Variants in PLEKHO2 observed in about 807,000 individuals in gnomAD.
The protein encoded by PLEKHO2 is pleckstrin homology domain-containing family O member 2.
PLEKHO2 carries 20 observed loss-of-function variants against 32.7 expected under a neutral mutation model. The observed-to-expected ratio is 0.61, with a 90% CI of 0.43 to 0.89. PLEKHO2 has a LOEUF of 0.89. PLEKHO2 is among the 40% of genes least tolerant of loss of function. The pLI, the probability that PLEKHO2 is intolerant of heterozygous loss-of-function variation, is 0.00. For synonymous variants in PLEKHO2, 247 were observed against 246.3 expected, an observed-to-expected ratio of 1.00 and a Z score of -0.03; for missense variants, 568 against 621.2, an observed-to-expected ratio of 0.91 and a Z score of 0.91.
rs1388479607 is a variant in PLEKHO2, at chr15:64,865,571, C to T, written c.1156C>T (p.Pro386Ser). The T allele has an allele frequency of 1.2e-6, 2 of 1,614,106 alleles. No individual in the cohort carries two copies. The highest frequency in any genetic ancestry group is 2.2e-5 in the East Asian group (1 of 44,906). Residue 386 changes from proline to serine, a missense_variant, in exon 6 of 6, where the codon CCC (proline) becomes TCC (serine). Pro to Ser is a moderately conservative substitution (Grantham distance 74). Coordinates refer to ENST00000323544, the MANE Select transcript of PLEKHO2 (RefSeq NM_025201.5). ...PPWDLPPQFH[P>S]RCSSLGDLLG... Reference sequence around the variant, plus strand: ...CTGGGACCTGCCACCTCAGTTCCATCCCCGCTGCTCCTCCCTTGGGGACTT... The same window carrying T: ...CTGGGACCTGCCACCTCAGTTCCATTCCCGCTGCTCCTCCCTTGGGGACTT...
At chr15:64,845,479 C>T (rs2084515558) in intron 1 of PLEKHO2, among the ~76,000 whole-genome samples, 2 of 151,914 alleles carry the variant, frequency 1.3e-5, no homozygotes, top group South Asian at 4.2e-4. Flanking sequence ...GCCAGGCCCC[C>T]CTGGAGGGAG....
chr15:64,847,028 C>G (rs908747373), intron 1 of PLEKHO2, among the ~76,000 whole-genome samples: 1 of 152,228 alleles, frequency 6.6e-6, no homozygotes, highest in African/African-American at 2.4e-5. Context: ...CTGTTAGTAG[C>G]TGCATTTCAC....
chr15:64,848,536 G>C (rs554277581), intron 1 of PLEKHO2, 57 bp from the exon 2 acceptor site: 3 of 1,605,928 alleles, frequency 1.9e-6, no homozygotes, highest in South Asian at 1.1e-5. Flanking sequence ...CTATGAACCT[G>C]TGACCTGTGA....
At chr15:64,855,747 C>T (rs2084602447) in intron 3 of PLEKHO2, among the ~76,000 whole-genome samples, 1 of 152,204 alleles carries the variant, frequency 6.6e-6, no homozygotes, top group African/African-American at 2.4e-5. Flanking sequence ...GCATGCACAG[C>T]ACCTCTCGCC....
rs757658570 is a variant in PLEKHO2, at chr15:64,860,002, C to T, written c.384+4C>T. ...CAAAAACAAGGCTTTCGATGAGGTG[C>T]GATGCAGTCTGTGGACATGGACAGC... On this transcript the variant is annotated splice_donor_region_variant and intron_variant, in intron 4 of 5. Coordinates refer to ENST00000323544, the MANE Select transcript of PLEKHO2 (RefSeq NM_025201.5). 16 of 1,612,266 alleles carry T rather than the reference C, an allele frequency of 9.9e-6. No individual in the cohort carries two copies. Among genetic ancestry groups the T allele is most frequent in the Middle Eastern group, 1.6e-4 (1 of 6,068 alleles).
intron 2 of PLEKHO2, among the ~76,000 whole-genome samples, chr15:64,854,681 G>A (rs1282397450): frequency 2.0e-5 from 3 of 152,158 alleles, no homozygotes; most frequent in African/African-American, 4.8e-5. Context: ...GCACATACGC[G>A]CCTCTGGGCT....
At chr15:64,842,509 A>G (rs545257082) in intron 1 of PLEKHO2, among the ~76,000 whole-genome samples, 47 of 142,250 alleles carry the variant, frequency 3.3e-4, no homozygotes, top group Non-Finnish European at 4.9e-4. Context: ...GTGTGTGTGT[A>G]TGTGTGTGTT....
Position 64,866,271 on chromosome 15 carries a change from T to C in PLEKHO2, c.*383T>C, listed in dbSNP as rs2084686358. On this transcript the variant is annotated 3_prime_UTR_variant, in exon 6 of 6. Coordinates refer to ENST00000323544, the MANE Select transcript of PLEKHO2 (RefSeq NM_025201.5). ...ATCCCCAGTAGTTTACATTCCTGAC[T>C]TCTGAATACAGCACAGCTGAGCCCC... 6.5e-6 allele frequency: 3 copies of C among 460,898 alleles called. No homozygotes were observed. The highest frequency in any genetic ancestry group is 3.1e-5 in the South Asian group (2 of 63,766). The allele number at this position is 460,898 out of a possible 1,614,324, so 28.6% of individuals were successfully genotyped here.
chr15:64,859,932 G>A lies in PLEKHO2; in HGVS notation c.318G>A (p.Glu106=). ...DIKFQAPTGE[E]KESWIKALNE... is the part of the protein sequence containing the mutation. Reference sequence around the variant, plus strand: ...AATTCCAGGCACCCACCGGGGAGGAGAAGGAATCCTGGATCAAAGCCCTCA... The same window carrying A: ...AATTCCAGGCACCCACCGGGGAGGAAAAGGAATCCTGGATCAAAGCCCTCA... The change falls in exon 4 of 6, where the codon GAG becomes GAA. Residue 106 remains glutamate, a synonymous_variant. Coordinates refer to ENST00000323544, the MANE Select transcript of PLEKHO2 (RefSeq NM_025201.5). The A allele has an allele frequency of 1.9e-6, 3 of 1,614,228 alleles. No homozygotes were observed. The South Asian group carries it at 3.3e-5, about 18-fold the overall frequency.
At chr15:64,859,733 CTG>C (rs894583785) in intron 3 of PLEKHO2, among the ~76,000 whole-genome samples, 159 bp from the exon 4 acceptor site, 3 of 152,314 alleles carry the variant, frequency 2.0e-5, no homozygotes, top group African/African-American at 4.8e-5. Context: ...GAGGGCTTCT[CTG>C]TGAGATCTTT....
chr15:64,852,475 T>C (rs997227323), intron 2 of PLEKHO2, among the ~76,000 whole-genome samples: 4 of 152,216 alleles, frequency 2.6e-5, no homozygotes, highest in African/African-American at 9.7e-5. Context: ...ACATTAGATA[T>C]ACAGTCATCT....
chr15:64,858,069 C>T (rs1420113045), intron 3 of PLEKHO2, among the ~76,000 whole-genome samples: 1 of 152,220 alleles, frequency 6.6e-6, no homozygotes, highest in Non-Finnish European at 1.5e-5. Context: ...GGTCCCGTCA[C>T]AGAGTTGGGT....
intron 4 of PLEKHO2, among the ~76,000 whole-genome samples, 184 bp downstream of exon 4, chr15:64,860,182 T>A (rs2084632635): frequency 6.6e-6 from 1 of 152,226 alleles, no homozygotes. Flanking sequence ...CTGTCCTTGT[T>A]TTACAGATGA....
At chr15:64,842,216 C>A (rs2084489394) in intron 1 of PLEKHO2, among the ~76,000 whole-genome samples, 188 bp downstream of exon 1, 1 of 152,256 alleles carries the variant, frequency 6.6e-6, no homozygotes, top group South Asian at 2.1e-4. Context: ...ACCGCGTCCT[C>A]CTTCATTCTC....
chr15:64,864,495 T>G (rs1208062673), intron 5 of PLEKHO2, among the ~76,000 whole-genome samples: 2 of 151,844 alleles, frequency 1.3e-5, no homozygotes, highest in Non-Finnish European at 2.9e-5. Context: ...TGGTGATGGG[T>G]AGGTGGGTTG....
chr15:64,845,547 G>T (rs2084515970), intron 1 of PLEKHO2, among the ~76,000 whole-genome samples: 1 of 152,196 alleles, frequency 6.6e-6, no homozygotes, highest in African/African-American at 2.4e-5. Flanking sequence ...CTGGCCTCCA[G>T]CCAGTCCTCC....
chr15:64,846,540 C>T (rs1222530947), intron 1 of PLEKHO2, among the ~76,000 whole-genome samples: 2 of 152,158 alleles, frequency 1.3e-5, no homozygotes, highest in Non-Finnish European at 2.9e-5. Flanking sequence ...TCTCAAACTC[C>T]TGACCTCAAA....
intron 2 of PLEKHO2, among the ~76,000 whole-genome samples, chr15:64,854,229 C>A (rs867859803): frequency 1.3e-5 from 2 of 152,252 alleles, no homozygotes; most frequent in Middle Eastern, 3.4e-3. Flanking sequence ...CAGAGATGGC[C>A]GGGAAGAGGC....
chr15:64,849,878 G>A (rs950257331), intron 2 of PLEKHO2, among the ~76,000 whole-genome samples: 1 of 151,246 alleles, frequency 6.6e-6, no homozygotes, highest in Non-Finnish European at 1.5e-5. Context: ...ATAATTAGCA[G>A]GCCGGGTTGT....
Sources: allele counts gnomAD v4.1 joint callset (sites outside exome capture counted in the v4.1 genomes callset), GRCh38; gene constraint gnomAD v4.1.1; transcripts MANE v1.5; gene names NCBI Gene and HGNC (gene_info 2026-07-23, HGNC 2026-07-21).